SGCD: variants seen among roughly 807,000 people sequenced by gnomAD.
SGCD encodes the protein sarcoglycan delta, also known as delta-sarcoglycan.
SGCD carries 18 observed loss-of-function variants against 36.6 expected under a neutral mutation model. The ratio of observed to expected loss-of-function variants is 0.49; its 90% CI spans 0.34 to 0.73. The LOEUF is 0.73. SGCD is among the 30% of genes least tolerant of loss of function. SGCD has a pLI of 0.01. For synonymous variants in SGCD, 133 were observed against 130.6 expected (o/e 1.02, Z -0.12); for missense variants, 387 against 346.7 (o/e 1.12, Z -0.92).
the SGCD span, among the ~76,000 whole-genome samples, chr5:155,817,629 A>G: frequency 6.6e-6 from 1 of 152,108 alleles, no homozygotes; most frequent in Non-Finnish European, 1.5e-5. Context: ...TTTCCAAATA[A>G]TAAGAATTAT....
chr5:156,097,890 G>C (rs1301382249), intron 1 of SGCD, among the ~76,000 whole-genome samples: 1 of 152,148 alleles, frequency 6.6e-6, no homozygotes, highest in Non-Finnish European at 1.5e-5. Context: ...CGTAAGTATT[G>C]GTCAAATTTT....
At chr5:156,029,584 C>T (rs553710966) in intron 1 of SGCD, among the ~76,000 whole-genome samples, 1 of 152,170 alleles carries the variant, frequency 6.6e-6, no homozygotes, top group Non-Finnish European at 1.5e-5. Flanking sequence ...GCATATTCGG[C>T]TGCCAATTCA....
chr5:156,307,350 A>G (rs1366117566), intron 3 of SGCD, among the ~76,000 whole-genome samples: 1 of 152,148 alleles, frequency 6.6e-6, no homozygotes, highest in Admixed American at 6.5e-5. Flanking sequence ...CAAATTTTCT[A>G]TCTTTAAAAT....
At chr5:156,730,435 C>T (rs1236691292) in intron 7 of SGCD, among the ~76,000 whole-genome samples, 1 of 152,158 alleles carries the variant, frequency 6.6e-6, no homozygotes, top group Non-Finnish European at 1.5e-5. Context: ...CATGTGTTCT[C>T]ATAATTTAGC....
At chr5:156,075,754 G>A (rs975635914) in intron 1 of SGCD, among the ~76,000 whole-genome samples, 1 of 152,172 alleles carries the variant, frequency 6.6e-6, no homozygotes, top group Non-Finnish European at 1.5e-5. Context: ...CAATACAGAA[G>A]TGTTTGATAT....
In SGCD at chr5:155,872,910, C is replaced by T. The variant is rs141161480; in HGVS notation, c.-282+2486C>T. On this transcript the variant is annotated intron_variant, in intron 1 of 9. Coordinates refer to the SGCD transcript ENST00000517913. ...AGAAAACAAACCTATAGCAAAACTT[C>T]GTGTGTTAAAAAAATGTTGTGTAAA... Among the ~76,000 whole-genome samples, 1,145 of 152,206 alleles carry T rather than the reference C, an allele frequency of 7.5e-3. 8 individuals carry two copies. The highest frequency in any genetic ancestry group is 0.027 in the Middle Eastern group (8 of 294).
the SGCD span, among the ~76,000 whole-genome samples, chr5:155,825,911 A>C: frequency 1.3e-5 from 2 of 151,772 alleles, no homozygotes; most frequent in Non-Finnish European, 2.9e-5. Context: ...ACCACACCCA[A>C]CTAATTTTTG....
At chr5:156,336,126 C>T (rs1033087699) in intron 2 of SGCD, among the ~76,000 whole-genome samples, 1 of 152,186 alleles carries the variant, frequency 6.6e-6, no homozygotes. Context: ...AATTTTCAAA[C>T]ATTCTCCTCC....
intron 3 of SGCD, among the ~76,000 whole-genome samples, chr5:156,493,994 C>G (rs1420154246): frequency 6.6e-6 from 1 of 152,102 alleles, no homozygotes; most frequent in Non-Finnish European, 1.5e-5. Flanking sequence ...ACAAGCCTCT[C>G]AGAGCATATC....
intron 1 of SGCD, among the ~76,000 whole-genome samples, chr5:156,081,495 C>G (rs1760951575): frequency 6.6e-6 from 1 of 152,134 alleles, no homozygotes. Flanking sequence ...CTGGAATAAG[C>G]AATTCCTCCT....
intron 8 of SGCD, among the ~76,000 whole-genome samples, chr5:156,758,698 C>T (rs1757426463): frequency 6.6e-6 from 1 of 151,818 alleles, no homozygotes; most frequent in Non-Finnish European, 1.5e-5. Flanking sequence ...TGGCAGCTTC[C>T]ACAACTGCTT....
At chr5:155,743,666 C>G in the SGCD span, among the ~76,000 whole-genome samples, 1 of 152,210 alleles carries the variant, frequency 6.6e-6, no homozygotes, top group South Asian at 2.1e-4. Flanking sequence ...ACCTGGGTTT[C>G]AATGCACTGC....
At chr5:156,634,134 G>A (rs568760981) in intron 6 of SGCD, among the ~76,000 whole-genome samples, 20 of 152,192 alleles carry the variant, frequency 1.3e-4, no homozygotes, top group African/African-American at 4.8e-4. Flanking sequence ...ACAGGACAAC[G>A]AGCCTACTCT....
rs1041369554 is a variant in SGCD, at chr5:156,621,471, G to A, written c.503-25993G>A. ...CTCTCAAAGTGCTGGGATTACAGGC[G>A]TGAGCTACCATGTCCAGCCAAAAGA... On this transcript the variant is annotated intron_variant, in intron 6 of 8. Transcript: ENST00000337851. Among the ~76,000 whole-genome samples the A allele has an allele frequency of 2.4e-4, 36 of 152,202 alleles. 2 individuals are homozygous for A. Among genetic ancestry groups the A allele is most frequent in the Middle Eastern group, 3.4e-3 (1 of 294 alleles).
intron 1 of SGCD, among the ~76,000 whole-genome samples, chr5:156,101,904 G>A (rs973630000): frequency 4.7e-5 from 6 of 126,430 alleles, no homozygotes; most frequent in South Asian, 2.5e-4. Context: ...GTCTCCAGCT[G>A]TGTGTGTGTG....
intron 3 of SGCD, among the ~76,000 whole-genome samples, chr5:156,236,728 G>A (rs573738583): frequency 1.1e-3 from 171 of 151,306 alleles, no homozygotes; most frequent in Non-Finnish European, 1.9e-3. Context: ...GATTACAGGT[G>A]TGAGCCACTG....
intron 1 of SGCD, among the ~76,000 whole-genome samples, chr5:155,943,663 A>T (rs1213719462): frequency 2.0e-5 from 3 of 152,182 alleles, no homozygotes; most frequent in Non-Finnish European, 4.4e-5. Context: ...TAATCCCCTT[A>T]ATGTCAGTAA....
chr5:156,542,606 G>A (rs1008983788), intron 4 of SGCD, among the ~76,000 whole-genome samples: 1 of 152,116 alleles, frequency 6.6e-6, no homozygotes. Flanking sequence ...CAGTGAAGTA[G>A]GTACTACTAT....
chr5:156,577,574 C>T (rs531656184), intron 4 of SGCD, among the ~76,000 whole-genome samples: 102 of 152,176 alleles, frequency 6.7e-4, no homozygotes, highest in African/African-American at 2.4e-3. Flanking sequence ...CATTTGTTTG[C>T]ATCCTCTTTT....
Sources: gnomAD v4.1 joint callset for allele counts (sites outside exome capture counted in the v4.1 genomes callset) on GRCh38, gnomAD v4.1.1 for gene constraint, MANE v1.5 for transcripts, NCBI Gene and HGNC (gene_info 2026-07-23, HGNC 2026-07-21) for gene names.